The following KDM3A variants were observed in gnomAD, a reference collection of about 807,000 sequenced individuals.
KDM3A encodes lysine demethylase 3A.
KDM3A carries 60 observed loss-of-function variants against 158.0 expected under a neutral mutation model. The observed-to-expected ratio is 0.38, with a 90% CI of 0.31 to 0.47. KDM3A has a LOEUF of 0.47. Among genes scored for constraint, KDM3A ranks in the 20% least tolerant of loss-of-function variants. The probability of loss-of-function intolerance (pLI) is 0.99; values close to 1 mark genes in which losing one functional copy is unlikely to be tolerated. For synonymous variants in KDM3A, 608 were observed against 549.3 expected, an observed-to-expected ratio of 1.11 and a Z score of -1.49; for missense variants, 1,319 against 1,574.3, an observed-to-expected ratio of 0.84 and a Z score of 2.74.
rs1573199511 is a variant in KDM3A at position 86,480,102 on chromosome 2, A to G, written c.2317-65A>G. The G allele has an allele frequency of 1.7e-5, 22 of 1,268,210 alleles. 1 individual carries two copies. In the East Asian group the frequency reaches 5.1e-4, roughly 29 times the overall value. 78.6% of individuals were successfully genotyped at this position (1,268,210 alleles called of 1,614,324 possible). On this transcript the variant is annotated intron_variant, in intron 15 of 25. Coordinates refer to ENST00000312912, the MANE Select transcript of KDM3A (RefSeq NM_018433.6). ...ACTTGTTGGTCGGCTATTAGGAGAG[A>G]AGAAAAGAAAAGGAAGCTGTCATTC...
intron 3 of KDM3A, 130 bp from the exon 4 acceptor site, chr2:86,450,973 A>C: frequency 1.7e-6 from 1 of 574,540 alleles, no homozygotes; most frequent in East Asian, 2.9e-5. Context: ...AGTTGTTATG[A>C]GATAACTTGC....
rs1220441936 is a variant in KDM3A, at chr2:86,456,580, T to C, written c.681+14T>C. 1.9e-6 allele frequency: 3 copies of C among 1,598,652 alleles called. No homozygotes were observed. Among genetic ancestry groups the C allele is most frequent in the Non-Finnish European group, 2.6e-6 (3 of 1,173,624 alleles). On this transcript the variant is annotated intron_variant, in intron 6 of 25. Transcript: ENST00000312912. ...AACTGTGAGGAGGTAAAGACAACAATAACTCTTTGTAAGATAACTCGACAA... is the reference window on the plus strand; with the variant it reads ...AACTGTGAGGAGGTAAAGACAACAACAACTCTTTGTAAGATAACTCGACAA...
intron 21 of KDM3A, chr2:86,487,100 A>G (rs1674215397): frequency 1.3e-5 from 2 of 152,222 alleles, no homozygotes; most frequent in African/African-American, 2.4e-5. Context: ...ACTTAAGTAT[A>G]TAAGAGCATT....
chr2:86,491,445 A>AC, intron 25 of KDM3A, 170 bp downstream of exon 25: 1 of 634,304 alleles, frequency 1.6e-6, no homozygotes, highest in East Asian at 2.7e-5. Context: ...TGAGGGAGGA[A>AC]CAAGAGGAAA....
In KDM3A at chr2:86,492,261, T is replaced by A; in HGVS notation, c.*142T>A. 1.6e-6 allele frequency: 1 copy of A among 629,504 alleles called. No individual in the cohort carries two copies. The highest frequency in any genetic ancestry group is 2.8e-6 in the Non-Finnish European group (1 of 351,860). 39.0% of individuals were successfully genotyped at this position (629,504 alleles called of 1,614,324 possible). A position where few individuals can be genotyped will look rare whatever the true frequency, so the allele number is the denominator to read the frequency against. ...TGAGGGTACTCTGTCTAATGTATAT[T>A]TCTAGTGTTTACAGACAGTAAATGT... On this transcript the variant is annotated 3_prime_UTR_variant, in exon 26 of 26. Coordinates refer to ENST00000312912, the MANE Select transcript of KDM3A (RefSeq NM_018433.6).
At chr2:86,482,775 C>G in intron 18 of KDM3A, 81 bp downstream of exon 18, 1 of 1,293,714 alleles carries the variant, frequency 7.7e-7, no homozygotes, top group East Asian at 2.3e-5. Context: ...AACCCCACCC[C>G]AGGCTTTCCC....
chr2:86,459,707 A>G (rs1385365671), intron 8 of KDM3A, among the ~76,000 whole-genome samples: 1 of 152,196 alleles, frequency 6.6e-6, no homozygotes, highest in Non-Finnish European at 1.5e-5. Flanking sequence ...ATGTGGGCAT[A>G]TAGACATATA....
rs146000820 is a variant in KDM3A, at chr2:86,454,609, A to G, written c.454-476A>G. ...TTATATAGTACATGCAGTGTGTTAT[A>G]TAAAATAAAAAAAAAACCCAGACAG... On this transcript the variant is annotated intron_variant, in intron 4 of 25. Coordinates refer to ENST00000312912, the MANE Select transcript of KDM3A (RefSeq NM_018433.6). Among the ~76,000 whole-genome samples the G allele has an allele frequency of 5.5e-3, 833 of 152,264 alleles. 2 individuals are homozygous for G. Among genetic ancestry groups the G allele is most frequent in the South Asian group, 9.8e-3 (47 of 4,820 alleles).
intron 5 of KDM3A, among the ~76,000 whole-genome samples, chr2:86,456,142 A>G (rs1248147798): frequency 6.6e-6 from 1 of 151,960 alleles, no homozygotes; most frequent in East Asian, 1.9e-4. Context: ...TGTTTTTTAG[A>G]TTATCAGACA....
chr2:86,490,753 G>A, intron 23 of KDM3A, 128 bp from the exon 24 acceptor site: 1 of 621,522 alleles, frequency 1.6e-6, no homozygotes, highest in Non-Finnish European at 2.8e-6. Context: ...GTCGTCTTCT[G>A]CCAATGGGGG....
intron 21 of KDM3A, chr2:86,487,122 T>C (rs1012798412): frequency 1.3e-5 from 2 of 152,216 alleles, no homozygotes; most frequent in African/African-American, 4.8e-5. Flanking sequence ...TTCCAATAAA[T>C]TGTATAGTTT....
At position 86,466,704 on chromosome 2, in the gene KDM3A, C is replaced by T. The variant is rs754097770; in HGVS notation, c.1340C>T (p.Ser447Leu). 50 of 1,613,876 alleles carry T rather than the reference C, an allele frequency of 3.1e-5. No homozygotes were observed. In the Middle Eastern group the frequency reaches 6.6e-4, roughly 21 times the overall value. Residue 447 changes from serine to leucine, a missense_variant, in exon 10 of 26, where the codon TCG (serine) becomes TTG (leucine). By Grantham distance (145) the Ser-to-Leu change is moderately radical. Around this residue, in one of 4 missense-constraint regions of KDM3A, gnomAD observed 652 missense variants for 627.2 expected, o/e 1.04. Coordinates refer to ENST00000312912, the MANE Select transcript of KDM3A (RefSeq NM_018433.6). ...CACCTAGAACATGCACCTTCCCCAT[C>T]GGATGTTTCAAATGCACCAGAAGTG... ...QKHLEHAPSP[S>L]DVSNAPEVKA...
At chr2:86,446,473 C>T (rs185365380) in intron 2 of KDM3A, among the ~76,000 whole-genome samples, 54 of 152,280 alleles carry the variant, frequency 3.5e-4, no homozygotes, top group Non-Finnish European at 6.5e-4. Context: ...TAGGCCAAGA[C>T]GGGTGGATCA....
chr2:86,460,956 A>G (rs1672901447), intron 8 of KDM3A: 1 of 152,184 alleles, frequency 6.6e-6, no homozygotes, highest in African/African-American at 2.4e-5. Context: ...GTAGAAGGAA[A>G]TACTTGAGTT....
intron 9 of KDM3A, among the ~76,000 whole-genome samples, chr2:86,465,938 CAAA>C (rs10541366): frequency 0.012 from 1,381 of 118,010 alleles, 18 homozygotes; most frequent in African/African-American, 0.038. Context: ...AATTTACACA[CAAA>C]AAAAAAAAAA....
chr2:86,449,515 TA>T (rs1672344318), intron 2 of KDM3A, among the ~76,000 whole-genome samples: 1 of 152,194 alleles, frequency 6.6e-6, no homozygotes, highest in South Asian at 2.1e-4. Flanking sequence ...AAACGCCTGA[TA>T]AGTAGGGGTT....
intron 19 of KDM3A, chr2:86,484,604 C>T (rs1288443805): frequency 2.3e-5 from 6 of 260,900 alleles, no homozygotes; most frequent in East Asian, 1.7e-4. Context: ...CAAAAGGGAG[C>T]GGCTGAATCT....
At chr2:86,455,294 CTTTTTTTT>C (rs767439758) in intron 5 of KDM3A, 107 bp downstream of exon 5, 4 of 538,868 alleles carry the variant, frequency 7.4e-6, no homozygotes, top group Non-Finnish European at 1.3e-5. Flanking sequence ...TTTCTTTTTT[CTTTTTTTT>C]TTTTTTTGAG....
At chr2:86,461,990 T>G (rs1672950937) in intron 8 of KDM3A, among the ~76,000 whole-genome samples, 1 of 152,106 alleles carries the variant, frequency 6.6e-6, no homozygotes, top group African/African-American at 2.4e-5. Context: ...GATTTATGTT[T>G]TATAGAGATT....
Sources: allele counts gnomAD v4.1 joint callset (sites outside exome capture counted in the v4.1 genomes callset), GRCh38; gene constraint gnomAD v4.1.1; regional missense constraint gnomAD v4.1.1; transcripts MANE v1.5; gene names NCBI Gene and HGNC (gene_info 2026-07-23, HGNC 2026-07-21).